Variants in SFRP1 observed in about 807,000 individuals in gnomAD.
SFRP1 encodes secreted frizzled related protein 1.
Under a neutral mutation model 25.9 loss-of-function variants are expected in SFRP1, and 9 were observed. The observed-to-expected ratio is 0.35, with a 90% CI of 0.21 to 0.61. The LOEUF is 0.61. Among genes scored for constraint, SFRP1 ranks in the 20% least tolerant of loss-of-function variants. The pLI is 0.78. For missense variants in SFRP1, 346 were observed against 418.2 expected, an observed-to-expected ratio of 0.83 and a Z score of 1.51; for synonymous variants, 178 against 174.0, an observed-to-expected ratio of 1.02 and a Z score of -0.18.
rs937499782 is a variant in SFRP1 at position 41,265,170 on chromosome 8, C to T, written c.942G>A (p.Lys314=). The T allele has an allele frequency of 5.8e-6, 7 of 1,215,236 alleles. No homozygotes were observed. The Admixed American group carries it at 6.2e-5, about 11-fold the overall frequency. The allele number at this position is 1,215,236 out of a possible 1,614,324, so 75.3% of individuals were successfully genotyped here. ...HECPTFQSVF[K] ...CCCCACCCTGCCCCCGGGAGAATCA[C>T]TTAAACACGGACTGAAAGGTGGGGC... Residue 314 remains lysine, a synonymous_variant, in exon 3 of 3, where the codon AAG becomes AAA. Transcript: ENST00000220772.
intron 2 of SFRP1, among the ~76,000 whole-genome samples, chr8:41,266,149 G>A (rs1563357337): frequency 6.6e-6 from 1 of 151,570 alleles, no homozygotes; most frequent in South Asian, 2.1e-4. Context: ...CTGAGCGACA[G>A]AGCAAGACTC....
chr8:41,272,090 A>C (rs1421286489), intron 2 of SFRP1, among the ~76,000 whole-genome samples: 1 of 152,250 alleles, frequency 6.6e-6, no homozygotes, highest in Non-Finnish European at 1.5e-5. Context: ...AAAATATAAG[A>C]GAAGAAATAT....
At chr8:41,307,257 G>A (rs940649105) in intron 1 of SFRP1, among the ~76,000 whole-genome samples, 2 of 152,238 alleles carry the variant, frequency 1.3e-5, no homozygotes, top group African/African-American at 4.8e-5. Context: ...TTGACTCTGA[G>A]AGCAGCGGTG....
At chr8:41,272,004 T>A (rs1803516031) in intron 2 of SFRP1, among the ~76,000 whole-genome samples, 1 of 152,076 alleles carries the variant, frequency 6.6e-6, no homozygotes, top group South Asian at 2.1e-4. Flanking sequence ...TAGATAAGAC[T>A]TTTGTATTCC....
chr8:41,268,616 G>A (rs953291254), intron 2 of SFRP1, among the ~76,000 whole-genome samples: 4 of 152,180 alleles, frequency 2.6e-5, no homozygotes, highest in African/African-American at 9.7e-5. Flanking sequence ...GGGAGAGCAG[G>A]AAAGAAGGCA....
intron 2 of SFRP1, among the ~76,000 whole-genome samples, chr8:41,279,549 C>A (rs1803609545): frequency 6.6e-6 from 1 of 152,106 alleles, no homozygotes; most frequent in Non-Finnish European, 1.5e-5. Context: ...TGGCTCACAA[C>A]ATATAAACAC....
At position 41,276,098 on chromosome 8, in the gene SFRP1, G is replaced by A. The variant is rs532856605; in HGVS notation, c.623-10609C>T. ...CTTGGTTGATCAGGAAAGGCCCACAGACGGGCACCCCAATGCACCAGTCGC... is the reference window on the plus strand; with the variant it reads ...CTTGGTTGATCAGGAAAGGCCCACAAACGGGCACCCCAATGCACCAGTCGC... On this transcript the variant is annotated intron_variant, in intron 2 of 2. Transcript: ENST00000220772. Among the ~76,000 whole-genome samples, 374 of 152,258 alleles carry A rather than the reference G, an allele frequency of 2.5e-3. 2 individuals are homozygous for A. The highest frequency in any genetic ancestry group is 7.4e-3 in the Admixed American group (113 of 15,302).
intron 2 of SFRP1, among the ~76,000 whole-genome samples, chr8:41,284,336 G>A (rs534341297): frequency 4.9e-4 from 72 of 148,194 alleles, no homozygotes; most frequent in Admixed American, 2.0e-3. Flanking sequence ...ACCAGGGCCC[G>A]GCCAACATTG....
intron 2 of SFRP1, chr8:41,275,006 C>A: frequency 7.0e-6 from 2 of 287,062 alleles, no homozygotes; most frequent in South Asian, 2.7e-5. Flanking sequence ...TTGTTGTTTC[C>A]TTTTTTTTTC....
chr8:41,308,715 A>G lies in SFRP1; in HGVS notation c.445T>C (p.Phe149Leu), dbSNP rs771668038. The G allele has an allele frequency of 1.2e-6, 2 of 1,611,354 alleles. No individual in the cohort carries two copies. Among genetic ancestry groups the G allele is most frequent in the Admixed American group, 3.4e-5 (2 of 59,690 alleles). ...SCEPVMQFFG[F>L]YWPEMLKCDK... ...CACTTAAGCATCTCGGGCCAGTAGA[A>G]GCCGAAGAACTGCATGACCGGCTCG... Residue 149 changes from phenylalanine to leucine, a missense_variant, in exon 1 of 3, where the codon TTC (phenylalanine) becomes CTC (leucine). Coordinates refer to ENST00000220772, the MANE Select transcript of SFRP1 (RefSeq NM_003012.5).
intron 2 of SFRP1, 88 bp downstream of exon 2, chr8:41,303,373 C>T (rs977035706): frequency 3.0e-5 from 28 of 937,334 alleles, no homozygotes; most frequent in Non-Finnish European, 3.0e-5. Context: ...AAAGCTGCAA[C>T]GAGATACATC....
intron 2 of SFRP1, among the ~76,000 whole-genome samples, chr8:41,294,060 G>A (rs1198192865): frequency 6.6e-6 from 1 of 152,054 alleles, no homozygotes; most frequent in Non-Finnish European, 1.5e-5. Context: ...AATGTGTCGA[G>A]GGCAGGAACA....
Position 41,308,795 on chromosome 8 carries a change from A to T in SFRP1, c.365T>A (p.Leu122Gln). ...FLCSLFAPVC[L>Q]DRPIYPCRWL... is the part of the protein sequence containing the mutation. Reference sequence around the variant, plus strand: ...GCGACACGGGTAGATGGGCCGGTCCAGGCAGACGGGCGCGAAGAGCGAGCA... The same window carrying T: ...GCGACACGGGTAGATGGGCCGGTCCTGGCAGACGGGCGCGAAGAGCGAGCA... The change falls in exon 1 of 3, where the codon CTG (leucine) becomes CAG (glutamine). Residue 122 changes from leucine (L) to glutamine (Q), a missense_variant. Leu to Gln is a moderately radical substitution (Grantham distance 113, BLOSUM62 -2). Transcript: ENST00000220772. 6.2e-7 allele frequency: 1 copy of T among 1,611,314 alleles called. No homozygotes were observed. The highest frequency in any genetic ancestry group is 8.5e-7 in the Non-Finnish European group (1 of 1,179,226).
At chr8:41,275,665 G>T (rs1360789826) in intron 2 of SFRP1, among the ~76,000 whole-genome samples, 1 of 151,946 alleles carries the variant, frequency 6.6e-6, no homozygotes, top group Non-Finnish European at 1.5e-5. Context: ...GCCACGCCCG[G>T]CTAATTTTTT....
chr8:41,302,615 A>T (rs1563367480), intron 2 of SFRP1, among the ~76,000 whole-genome samples: 1 of 152,194 alleles, frequency 6.6e-6, no homozygotes, highest in African/African-American at 2.4e-5. Flanking sequence ...ACTTCTCTGC[A>T]TCCATGTCAG....
intron 2 of SFRP1, among the ~76,000 whole-genome samples, chr8:41,271,809 A>T (rs973655671): frequency 6.6e-6 from 1 of 151,962 alleles, no homozygotes; most frequent in Non-Finnish European, 1.5e-5. Context: ...TACCAAAAAA[A>T]AAAAATTAGC....
At chr8:41,307,660 T>C (rs747530216) in intron 1 of SFRP1, among the ~76,000 whole-genome samples, 2 of 152,262 alleles carry the variant, frequency 1.3e-5, no homozygotes, top group African/African-American at 2.4e-5. Context: ...TTTACTTCTA[T>C]AGAAGTCAGG....
At chr8:41,265,631 G>T in intron 2 of SFRP1, 142 bp from the exon 3 acceptor site, 1 of 613,514 alleles carries the variant, frequency 1.6e-6, no homozygotes, top group Non-Finnish European at 2.7e-6. Flanking sequence ...AAATATATAT[G>T]TTTTTAATTT....
intron 2 of SFRP1, among the ~76,000 whole-genome samples, chr8:41,279,740 A>G (rs1012633162): frequency 7.3e-5 from 11 of 151,002 alleles, no homozygotes; most frequent in Non-Finnish European, 1.2e-4. Flanking sequence ...TCTCTGATCC[A>G]TCATAGACAG....
Sources: gnomAD v4.1 joint callset for allele counts (sites outside exome capture counted in the v4.1 genomes callset) on GRCh38, gnomAD v4.1.1 for gene constraint, MANE v1.5 for transcripts, NCBI Gene and HGNC (gene_info 2026-07-23, HGNC 2026-07-21) for gene names.